Variants in CUX1 observed in about 807,000 individuals in gnomAD.
The protein encoded by CUX1 is cut like homeobox 1, also known as protein CASP.
CUX1 carries 31 observed loss-of-function variants against 158.8 expected under a neutral mutation model. The ratio of observed to expected loss-of-function variants is 0.20; its 90% CI spans 0.15 to 0.26. The LOEUF (loss-of-function observed/expected upper bound fraction) is 0.26. Among genes scored for constraint, CUX1 ranks in the 10% least tolerant of loss-of-function variants. CUX1 has a pLI of 1.00. For missense variants in CUX1, 1,589 were observed against 2,014.6 expected (o/e 0.79, Z 4.04); for synonymous variants, 879 against 862.1 (o/e 1.02, Z -0.34).
intron 1 of CUX1, among the ~76,000 whole-genome samples, chr7:101,851,478 G>A (rs1293697580): frequency 6.6e-6 from 1 of 152,056 alleles, no homozygotes; most frequent in African/African-American, 2.4e-5. Context: ...TTTGCTGCGG[G>A]GATGTTCTCC....
chr7:101,933,753 A>G (rs890894184), intron 2 of CUX1, among the ~76,000 whole-genome samples: 1 of 152,226 alleles, frequency 6.6e-6, no homozygotes, highest in Non-Finnish European at 1.5e-5. Context: ...GAACAGAAAT[A>G]GCAGTGTTCT....
chr7:102,238,199 AGGGATACTCCCTTTCCC>A (rs558420917), intron 22 of CUX1, among the ~76,000 whole-genome samples: 5,455 of 152,066 alleles, frequency 0.036, 146 homozygotes, highest in South Asian at 0.053. Flanking sequence ...CCCCGGGGAA[AGGGATACTCCCTTTCCC>A]GGGATACTCC....
intron 21 of CUX1, among the ~76,000 whole-genome samples, chr7:102,233,547 G>A (rs1286679483): frequency 6.6e-6 from 1 of 152,206 alleles, no homozygotes; most frequent in Admixed American, 6.5e-5. Context: ...AGCACTTTGG[G>A]AGGCTGATGG....
At chr7:102,133,697 G>GCA (rs1833581578) in intron 8 of CUX1, among the ~76,000 whole-genome samples, 1 of 151,836 alleles carries the variant, frequency 6.6e-6, no homozygotes. Context: ...GGCTGGTCTT[G>GCA]AACTCCTGAC....
At position 101,865,640 on chromosome 7, in the gene CUX1, G is replaced by A. The variant is rs1334501774; in HGVS notation, c.30+47971G>A. Among the ~76,000 whole-genome samples the A allele has an allele frequency of 3.3e-5, 5 of 152,324 alleles. No homozygotes were observed. In the East Asian group the frequency reaches 5.8e-4, roughly 18 times the overall value. ...CGAGCGTTTCCACATTCATTCTTAC[G>A]CAGTTGGTAGGCTCAGGATGTTTGT... On this transcript the variant is annotated intron_variant, in intron 1 of 23. Transcript: ENST00000292535.
Position 101,861,995 on chromosome 7 carries a change from C to T in CUX1, c.30+44326C>T, listed in dbSNP as rs113441092. Among the ~76,000 whole-genome samples the T allele has an allele frequency of 4.0e-4, 61 of 152,144 alleles. 1 individual carries two copies. The highest frequency in any genetic ancestry group is 1.3e-3 in the African/African-American group (54 of 41,518). On this transcript the variant is annotated intron_variant, in intron 1 of 23. Transcript: ENST00000292535. ...GATTACAGGCGCCTGCCACCATGCC[C>T]GGCAAATTTTTATATTTTTAATAGA...
intron 8 of CUX1, among the ~76,000 whole-genome samples, chr7:102,149,755 C>A (rs1237515626): frequency 2.6e-5 from 4 of 152,136 alleles, no homozygotes; most frequent in Non-Finnish European, 5.9e-5. Flanking sequence ...GTTTGTCCCC[C>A]ACCCCTTGCC....
In CUX1 at chr7:102,200,116, A is replaced by T; in HGVS notation, c.2006A>T (p.Glu669Val). Residue 669 changes from glutamate (E) to valine (V), a missense_variant, in exon 17 of 24, where the codon GAA becomes GTA. This residue lies in a region of CUX1 where 337 missense variants were observed against 409.3 expected (regional missense o/e 0.82). Transcript: ENST00000292535. ...RIRASETGSD[E>V]AIKSILEQAK... ...CGAGCCTCGGAGACTGGCTCTGATG[A>T]AGCCATCAAGTCCATCCTAGAGCAA... 1 of 1,613,658 alleles carries T rather than the reference A, an allele frequency of 6.2e-7. No individual in the cohort carries two copies. Among genetic ancestry groups the T allele is most frequent in the African/African-American group, 1.3e-5 (1 of 75,010 alleles).
chr7:101,934,314 G>A (rs1022969121), intron 2 of CUX1, among the ~76,000 whole-genome samples: 5 of 152,134 alleles, frequency 3.3e-5, no homozygotes, highest in African/African-American at 1.2e-4. Flanking sequence ...TAGCATAGTC[G>A]ATGTTTTAAA....
intron 2 of CUX1, among the ~76,000 whole-genome samples, chr7:101,926,383 C>G (rs868067102): frequency 3.7e-4 from 56 of 152,094 alleles, no homozygotes; most frequent in Middle Eastern, 3.2e-3. Flanking sequence ...CAATTTGAAC[C>G]TAATTCGGGC....
chr7:102,152,593 T>C (rs1835808821), intron 8 of CUX1, among the ~76,000 whole-genome samples: 1 of 152,202 alleles, frequency 6.6e-6, no homozygotes, highest in Non-Finnish European at 1.5e-5. Flanking sequence ...GGTTTCACCA[T>C]GTTGGCCAAG....
rs1405255048 is a variant in CUX1, at chr7:102,136,852, C to T, written c.674+21579C>T. On this transcript the variant is annotated intron_variant, in intron 8 of 23. Transcript: ENST00000292535. ...GCTATGTTATTTTAATTCCCACGTG[C>T]TTCTGTGTTTACCTCTGTTGTAAAT... Among the ~76,000 whole-genome samples the T allele has an allele frequency of 2.0e-5, 3 of 152,172 alleles. No individual in the cohort carries two copies. In the East Asian group the frequency reaches 5.8e-4, roughly 29 times the overall value.
chr7:102,063,641 C>A (rs1051158738), intron 3 of CUX1, among the ~76,000 whole-genome samples: 4 of 152,126 alleles, frequency 2.6e-5, no homozygotes, highest in Non-Finnish European at 5.9e-5. Flanking sequence ...GATCCACCCA[C>A]CTTGGCCTCC....
At position 102,248,344 on chromosome 7, in the gene CUX1, G is replaced by A. The variant is rs1459710490; in HGVS notation, c.3888-68G>A. ...GAGCCCCAGAGAGAGGGGTCTGGCT[G>A]GGGTAGCACCAGAGGCCCTTTCCCC... On this transcript the variant is annotated intron_variant, in intron 23 of 23. Coordinates refer to ENST00000292535, the MANE Select transcript of CUX1 (RefSeq NM_181552.4). The surrounding 1 kb of genome is among the most constrained non-coding windows in gnomAD (Gnocchi z 5.8). 10 of 1,412,554 alleles carry A rather than the reference G, an allele frequency of 7.1e-6. No individual in the cohort carries two copies. Among genetic ancestry groups the A allele is most frequent in the Middle Eastern group, 3.6e-4 (2 of 5,626 alleles). 87.5% of individuals were successfully genotyped at this position (1,412,554 alleles called of 1,614,324 possible).
At chr7:102,282,716 T>C in exon 22 of CUX1, 1 of 1,613,258 alleles carries the variant, frequency 6.2e-7, no homozygotes, top group Admixed American at 1.7e-5. Context: ...GGCCAGGTGC[T>C]CTACAAGCTG....
chr7:102,170,583 C>G (rs1384795681), intron 10 of CUX1, 33 bp downstream of exon 10: 1 of 1,468,826 alleles, frequency 6.8e-7, no homozygotes, highest in Admixed American at 2.0e-5. Flanking sequence ...GGGACTGTCC[C>G]CGCCTGGCCT....
intron 1 of CUX1, among the ~76,000 whole-genome samples, chr7:101,848,564 C>G (rs542046956): frequency 3.2e-4 from 48 of 152,170 alleles, no homozygotes; most frequent in African/African-American, 1.1e-3. Flanking sequence ...TTTTCTCCCC[C>G]TTGTATTTTC....
chr7:101,906,367 G>A (rs1802755445), intron 1 of CUX1, among the ~76,000 whole-genome samples: 2 of 151,728 alleles, frequency 1.3e-5, no homozygotes, highest in Non-Finnish European at 2.9e-5. Context: ...TGGGGAAGTG[G>A]CATCAGAACA....
intron 8 of CUX1, among the ~76,000 whole-genome samples, chr7:102,138,649 T>C (rs1834141170): frequency 6.6e-6 from 1 of 152,224 alleles, no homozygotes; most frequent in Non-Finnish European, 1.5e-5. Flanking sequence ...GCCACTTCCC[T>C]CTACAATGAG....
Sources: allele counts gnomAD v4.1 joint callset (sites outside exome capture counted in the v4.1 genomes callset), GRCh38; gene constraint gnomAD v4.1.1; regional missense constraint gnomAD v4.1.1; non-coding constraint Gnocchi (gnomAD v3.1); transcripts MANE v1.5; gene names NCBI Gene and HGNC (gene_info 2026-07-23, HGNC 2026-07-21).